The following IRS2 variants were observed in gnomAD, a reference collection of about 807,000 sequenced individuals.
IRS2 encodes the protein insulin receptor substrate 2.
IRS2 carries 28 observed loss-of-function variants against 70.9 expected under a neutral mutation model. That is an observed-to-expected ratio of 0.39 (90% CI 0.29 to 0.54). IRS2 has a LOEUF of 0.54. Ranked by LOEUF, IRS2 falls within the 20% of genes least tolerant of loss-of-function variation. IRS2 has a pLI of 0.59. For synonymous variants in IRS2, 1,217 were observed against 981.9 expected (o/e 1.24, Z -4.48); for missense variants, 2,081 against 2,024.1 (o/e 1.03, Z -0.54).
Position 109,753,947 on chromosome 13 carries a change from T to A in IRS2, c.*2357A>T, listed in dbSNP as rs557906471. 4.3e-6 allele frequency: 1 copy of A among 232,294 alleles called. No individual in the cohort carries two copies. Among genetic ancestry groups the A allele is most frequent in the South Asian group, 1.8e-4 (1 of 5,514 alleles). 14.4% of individuals were successfully genotyped at this position (232,294 alleles called of 1,614,324 possible). On this transcript the variant is annotated 3_prime_UTR_variant, in exon 2 of 2. Coordinates refer to ENST00000375856, the MANE Select transcript of IRS2 (RefSeq NM_003749.3). Reference sequence around the variant, plus strand: ...ACTATTCTAGTCCAGTTTATTCTCGTCTCCAGCAGCATCACATTGACCCCT... The same window carrying A: ...ACTATTCTAGTCCAGTTTATTCTCGACTCCAGCAGCATCACATTGACCCCT...
chr13:109,767,225 G>C (rs954919045), intron 1 of IRS2, among the ~76,000 whole-genome samples: 1 of 152,120 alleles, frequency 6.6e-6, no homozygotes, highest in African/African-American at 2.4e-5. Context: ...CAGGGACAGA[G>C]GCCAGAGGCT....
At chr13:109,780,430 C>A (rs945329312) in intron 1 of IRS2, among the ~76,000 whole-genome samples, 13 of 152,184 alleles carry the variant, frequency 8.5e-5, no homozygotes, top group Non-Finnish European at 1.9e-4. Flanking sequence ...CTGGCGACTT[C>A]CAATGATTTA....
chr13:109,784,684 C>A lies in IRS2; in HGVS notation c.1370G>T (p.Gly457Val). The A allele has an allele frequency of 8.1e-7, 1 of 1,239,124 alleles. No individual in the cohort carries two copies. Among genetic ancestry groups the A allele is most frequent in the South Asian group, 3.7e-5 (1 of 27,114 alleles). 76.8% of individuals were successfully genotyped at this position (1,239,124 alleles called of 1,614,324 possible). A position where few individuals can be genotyped will look rare whatever the true frequency, so the allele number is the denominator to read the frequency against. The change falls in exon 1 of 2, where the codon GGC becomes GTC. Residue 457 changes from glycine (G) to valine (V), a missense_variant. Gly to Val is a moderately radical substitution (Grantham distance 109). This residue lies in a region of IRS2 where 1,615 missense variants were observed against 1,459.5 expected (regional missense o/e 1.11). Coordinates refer to ENST00000375856, the MANE Select transcript of IRS2 (RefSeq NM_003749.3). The surrounding 1 kb of genome is among the most constrained non-coding windows in gnomAD (Gnocchi z 5.2). Reference protein sequence around the residue: ...SLSSSSGHGSGSYPPPPGPHP... With the variant: ...SLSSSSGHGSVSYPPPPGPHP... Reference sequence around the variant, plus strand: ...CGGGCCGGGCGGCGGCGGGTAGGAGCCCGAGCCGTGGCCGCTGCTGGACGA... The same window carrying A: ...CGGGCCGGGCGGCGGCGGGTAGGAGACCGAGCCGTGGCCGCTGCTGGACGA...
At chr13:109,777,787 A>G (rs956156809) in intron 1 of IRS2, among the ~76,000 whole-genome samples, 5 of 152,228 alleles carry the variant, frequency 3.3e-5, no homozygotes, top group Non-Finnish European at 7.3e-5. Flanking sequence ...CAGTCTTAAC[A>G]TAGTTTCAGG....
rs1877856696 is a variant in IRS2, at chr13:109,784,668, C to A, written c.1386G>T (p.Pro462=). 4 of 1,244,030 alleles carry A rather than the reference C, an allele frequency of 3.2e-6. No homozygotes were observed. In the East Asian group the frequency reaches 1.3e-4, roughly 40 times the overall value. 77.1% of individuals were successfully genotyped at this position (1,244,030 alleles called of 1,614,324 possible). Residue 462 remains proline, a synonymous_variant, in exon 1 of 2, where the codon CCG becomes CCT. Transcript: ENST00000375856. The surrounding 1 kb of genome is among the most constrained non-coding windows in gnomAD (Gnocchi z 5.2). ...GCGGCAGAGGCGGGTGCGGGCCGGG[C>A]GGCGGCGGGTAGGAGCCCGAGCCGT... The part of the protein sequence containing the change: ...SGHGSGSYPP[P]PGPHPPLPHP...
In IRS2 at chr13:109,782,678, G is replaced by A. The variant is rs545026034; in HGVS notation, c.3376C>T (p.Pro1126Ser). Residue 1126 changes from proline (P) to serine (S), a missense_variant, in exon 1 of 2, where the codon CCC (proline) becomes TCC (serine). This residue lies in a region of IRS2 where 1,615 missense variants were observed against 1,459.5 expected (regional missense o/e 1.11). Transcript: ENST00000375856. ...GVEAFLQASQ[P>S]PDPHRGAKVI... ...TTGGCGCCGCGGTGGGGGTCCGGGG[G>A]CTGGCTGGCCTGCAGGAAGGCCTCG... 74 of 1,576,050 alleles carry A rather than the reference G, an allele frequency of 4.7e-5. No individual in the cohort carries two copies. The South Asian group carries it at 7.3e-4, about 15-fold the overall frequency.
Position 109,785,654 on chromosome 13 carries a change from C to T in IRS2, c.400G>A (p.Gly134Ser), listed in dbSNP as rs756911967. Residue 134 changes from glycine to serine, a missense_variant, in exon 1 of 2, where the codon GGC (glycine) becomes AGC (serine). By Grantham distance (56) the Gly-to-Ser change is moderately conservative. Coordinates refer to ENST00000375856, the MANE Select transcript of IRS2 (RefSeq NM_003749.3). This position sits in a 1 kb window ranked among gnomAD's most constrained non-coding sequence, Gnocchi z 9.3. ...VAAENEQEQE[G>S]WYRALTDLVS... ...AGGTCGGTGAGCGCGCGGTACCAGC[C>T]CTCCTGCTCCTGCTCGTTCTCGGCG... is the stretch of plus-strand genomic sequence containing the variant. 3.1e-6 allele frequency: 5 copies of T among 1,587,962 alleles called. No homozygotes were observed. The highest frequency in any genetic ancestry group is 4.3e-6 in the Non-Finnish European group (5 of 1,171,772).
intron 1 of IRS2, among the ~76,000 whole-genome samples, chr13:109,778,370 C>T (rs375744184): frequency 6.6e-6 from 1 of 152,216 alleles, no homozygotes; most frequent in Non-Finnish European, 1.5e-5. Context: ...AAAGGTTTCT[C>T]TTTCAATAAA....
At position 109,784,065 on chromosome 13, in the gene IRS2, C is replaced by G. The variant is rs747650362; in HGVS notation, c.1989G>C (p.Ala663=). The G allele has an allele frequency of 1.1e-5, 17 of 1,561,082 alleles. No homozygotes were observed. Among genetic ancestry groups the G allele is most frequent in the Non-Finnish European group, 1.4e-5 (16 of 1,159,834 alleles). ...TCCTGCAGCTGCCGCTCCCACTGCC[C>G]GCGAGGGCCGCGCCGGGCGTCATGG... ...YMPMTPGAAL[A]GSGSGSCRSD... is the part of the protein sequence containing the mutation. The change falls in exon 1 of 2, where the codon GCG becomes GCC. Residue 663 remains alanine, a synonymous_variant. Coordinates refer to ENST00000375856, the MANE Select transcript of IRS2 (RefSeq NM_003749.3). The surrounding 1 kb of genome is among the most constrained non-coding windows in gnomAD (Gnocchi z 5.2).
chr13:109,777,855 G>C (rs1295630948), intron 1 of IRS2, among the ~76,000 whole-genome samples: 1 of 152,054 alleles, frequency 6.6e-6, no homozygotes, highest in East Asian at 1.9e-4. Context: ...ACACCACTTT[G>C]TTACAATCTG....
chr13:109,761,952 C>CT lies in IRS2; in HGVS notation c.4013-5645dup, dbSNP rs970347837. On this transcript the variant is annotated intron_variant, in intron 1 of 1. Coordinates refer to ENST00000375856, the MANE Select transcript of IRS2 (RefSeq NM_003749.3). ...ACAGGCTGGATTTAGTAAAAGGTAT[C>CT]TCCCCCTTTAACTCCTGTTTAATCC... 1.1e-3 allele frequency among the ~76,000 whole-genome samples: 165 copies of CT among 152,294 alleles called. 3 individuals are homozygous for CT. Among genetic ancestry groups the CT allele is most frequent in the African/African-American group, 3.7e-3 (153 of 41,568 alleles).
chr13:109,786,102 G>A lies in IRS2; in HGVS notation c.-49C>T, dbSNP rs1184980666. On this transcript the variant is annotated 5_prime_UTR_variant, in exon 1 of 2. Transcript: ENST00000375856. This position sits in a 1 kb window ranked among gnomAD's most constrained non-coding sequence, Gnocchi z 4.4. Reference sequence around the variant, plus strand: ...CCCGGGCCCGGCGCCCAGGGGTTGGGGCGAGGGGCGGAGGGGGCGCGGGCG... The same window carrying A: ...CCCGGGCCCGGCGCCCAGGGGTTGGAGCGAGGGGCGGAGGGGGCGCGGGCG... 2.0e-6 allele frequency: 2 copies of A among 993,020 alleles called. No homozygotes were observed. The highest frequency in any genetic ancestry group is 2.4e-6 in the Non-Finnish European group (2 of 836,488). The allele number at this position is 993,020 out of a possible 1,614,324, so 61.5% of individuals were successfully genotyped here. A position where few individuals can be genotyped will look rare whatever the true frequency, so the allele number is the denominator to read the frequency against.
chr13:109,770,065 G>A (rs1224989539), intron 1 of IRS2, among the ~76,000 whole-genome samples: 1 of 152,182 alleles, frequency 6.6e-6, no homozygotes, highest in Non-Finnish European at 1.5e-5. Flanking sequence ...CTCACGGGTG[G>A]GTGACTTGGA....
At position 109,756,224 on chromosome 13, in the gene IRS2, G is replaced by C; in HGVS notation, c.*80C>G. 2 of 1,229,486 alleles carry C rather than the reference G, an allele frequency of 1.6e-6. No individual in the cohort carries two copies. The highest frequency in any genetic ancestry group is 2.4e-6 in the Non-Finnish European group (2 of 829,276). 76.2% of individuals were successfully genotyped at this position (1,229,486 alleles called of 1,614,324 possible). A position where few individuals can be genotyped will look rare whatever the true frequency, so the allele number is the denominator to read the frequency against. On this transcript the variant is annotated 3_prime_UTR_variant, in exon 2 of 2. Coordinates refer to ENST00000375856, the MANE Select transcript of IRS2 (RefSeq NM_003749.3). Reference sequence around the variant, plus strand: ...CCAAAAGAAAACTGCAAGCAGCTTCGGGCTGAAACAGTGCTGAGCGTCTTC... The same window carrying C: ...CCAAAAGAAAACTGCAAGCAGCTTCCGGCTGAAACAGTGCTGAGCGTCTTC...
chr13:109,777,763 G>A (rs980167554), intron 1 of IRS2, among the ~76,000 whole-genome samples: 1 of 152,040 alleles, frequency 6.6e-6, no homozygotes, highest in African/African-American at 2.4e-5. Flanking sequence ...AGTAATAAAA[G>A]GTAATCAGAA....
At chr13:109,774,187 G>T (rs1419719673) in intron 1 of IRS2, among the ~76,000 whole-genome samples, 1 of 152,094 alleles carries the variant, frequency 6.6e-6, no homozygotes, top group African/African-American at 2.4e-5. Flanking sequence ...TATACAGTTT[G>T]CTTTACCAAG....
At chr13:109,779,544 C>T (rs7981705) in intron 1 of IRS2, among the ~76,000 whole-genome samples, 31,481 of 152,078 alleles carry the variant, frequency 0.21, 3,935 homozygotes, top group African/African-American at 0.36. Context: ...TCTGTCTCAA[C>T]GGACCACAAC....
At position 109,782,805 on chromosome 13, in the gene IRS2, C is replaced by T. The variant is rs1877754137; in HGVS notation, c.3249G>A (p.Pro1083=). The change falls in exon 1 of 2, where the codon CCG becomes CCA. Residue 1083 remains proline, a synonymous_variant. Coordinates refer to ENST00000375856, the MANE Select transcript of IRS2 (RefSeq NM_003749.3). The part of the protein sequence containing the change: ...TEMAFGVAAT[P]PQPIAAPPKP... The stretch of plus-strand genomic sequence containing the variant: ...TCGGGGGGGCCGCGATAGGTTGCGG[C>T]GGGGTGGCGGCCACACCAAAAGCCA... 2 of 1,594,848 alleles carry T rather than the reference C, an allele frequency of 1.3e-6. No homozygotes were observed. Among genetic ancestry groups the T allele is most frequent in the Middle Eastern group, 1.7e-4 (1 of 6,036 alleles).
At position 109,783,110 on chromosome 13, in the gene IRS2, C is replaced by T. The variant is rs1159921146; in HGVS notation, c.2944G>A (p.Asp982Asn). 1.9e-5 allele frequency: 27 copies of T among 1,391,276 alleles called. No homozygotes were observed. Among genetic ancestry groups the T allele is most frequent in the Admixed American group, 3.4e-5 (1 of 29,364 alleles). The allele number at this position is 1,391,276 out of a possible 1,614,324, so 86.2% of individuals were successfully genotyped here. Residue 982 changes from aspartate (D) to asparagine (N), a missense_variant, in exon 1 of 2, where the codon GAC (aspartate) becomes AAC (asparagine). Physicochemically the swap from Asp to Asn is conservative, Grantham distance 23. Around this residue, in one of 4 missense-constraint regions of IRS2, gnomAD observed 1,615 missense variants for 1,459.5 expected, o/e 1.11. Transcript: ENST00000375856. ...RSPLSDYMNLDFSSPKSPKPG... is the reference protein window; with the variant it reads ...RSPLSDYMNLNFSSPKSPKPG... ...TTAGGAGACTTGGGGGAGCTGAAGT[C>T]GAGGTTCATGTAGTCGGAGAGCGGA...
Sources: allele counts gnomAD v4.1 joint callset (sites outside exome capture counted in the v4.1 genomes callset), GRCh38; gene constraint gnomAD v4.1.1; regional missense constraint gnomAD v4.1.1; non-coding constraint Gnocchi (gnomAD v3.1); transcripts MANE v1.5; gene names NCBI Gene and HGNC (gene_info 2026-07-23, HGNC 2026-07-21).